Variants in MACROD2 observed in about 807,000 individuals in gnomAD.
MACROD2 encodes the protein mono-ADP ribosylhydrolase 2, also known as ADP-ribose glycohydrolase MACROD2.
MACROD2 carries 36 observed loss-of-function variants against 70.4 expected under a neutral mutation model. That is an observed-to-expected ratio of 0.51 (90% CI 0.39 to 0.68). The LOEUF (loss-of-function observed/expected upper bound fraction) is 0.68. Ranked by LOEUF, MACROD2 falls within the 30% of genes least tolerant of loss-of-function variation. MACROD2 has a pLI of 0.00. For synonymous variants in MACROD2, 172 were observed against 178.8 expected, an observed-to-expected ratio of 0.96 and a Z score of 0.30; for missense variants, 496 against 538.4, an observed-to-expected ratio of 0.92 and a Z score of 0.78.
At chr20:15,204,656 G>A (rs2076685994) in intron 5 of MACROD2, among the ~76,000 whole-genome samples, 2 of 152,034 alleles carry the variant, frequency 1.3e-5, no homozygotes, top group South Asian at 4.1e-4. Context: ...ATATTAATTT[G>A]CCTTTGTAAT....
intron 3 of MACROD2, among the ~76,000 whole-genome samples, chr20:14,122,608 A>G (rs1471269909): frequency 6.6e-6 from 1 of 152,118 alleles, no homozygotes; most frequent in Non-Finnish European, 1.5e-5. Context: ...CCATGATAAG[A>G]TCAATAATTC....
chr20:15,131,204 C>A (rs2076102298), intron 5 of MACROD2, among the ~76,000 whole-genome samples: 2 of 151,912 alleles, frequency 1.3e-5, no homozygotes, highest in Admixed American at 1.3e-4. Context: ...TAATAACAGG[C>A]AAATTAAGAA....
At chr20:14,341,608 A>T (rs141727946) in intron 3 of MACROD2, among the ~76,000 whole-genome samples, 118 of 152,368 alleles carry the variant, frequency 7.7e-4, no homozygotes, top group Non-Finnish European at 1.5e-3. Flanking sequence ...CATGCACTCC[A>T]GCTTGGGCAG....
At chr20:14,718,316 A>G (rs921539668) in intron 5 of MACROD2, among the ~76,000 whole-genome samples, 7 of 150,696 alleles carry the variant, frequency 4.6e-5, no homozygotes, top group African/African-American at 1.7e-4. Flanking sequence ...AAAAAAAAAA[A>G]AAGAAGAGAT....
At chr20:14,221,089 C>T (rs1409518513) in intron 3 of MACROD2, among the ~76,000 whole-genome samples, 1 of 152,200 alleles carries the variant, frequency 6.6e-6, no homozygotes, top group African/African-American at 2.4e-5. Flanking sequence ...AATTTGAATT[C>T]ATTTACATGC....
intron 5 of MACROD2, among the ~76,000 whole-genome samples, chr20:14,943,230 C>T (rs1404584673): frequency 6.6e-6 from 1 of 152,114 alleles, no homozygotes; most frequent in Non-Finnish European, 1.5e-5. Context: ...GACAGGGTTG[C>T]AGGCAACTGA....
chr20:14,759,978 C>A (rs2071992879), intron 5 of MACROD2, among the ~76,000 whole-genome samples: 1 of 151,984 alleles, frequency 6.6e-6, no homozygotes, highest in Non-Finnish European at 1.5e-5. Context: ...AATTGGTATT[C>A]CTGAGATAAA....
At chr20:15,677,375 G>T (rs947216904) in intron 8 of MACROD2, among the ~76,000 whole-genome samples, 2 of 152,044 alleles carry the variant, frequency 1.3e-5, no homozygotes, top group Non-Finnish European at 1.5e-5. Context: ...ATGCGGTGGT[G>T]GGGGGAAGTG....
chr20:16,043,852 CTCTT>C (rs990911496), intron 16 of MACROD2, among the ~76,000 whole-genome samples: 8 of 152,058 alleles, frequency 5.3e-5, no homozygotes, highest in African/African-American at 1.4e-4. Flanking sequence ...TTTGCCTTCT[CTCTT>C]TATTTTCTTA....
intron 3 of MACROD2, among the ~76,000 whole-genome samples, chr20:14,284,782 G>C (rs1317296969): frequency 6.6e-6 from 1 of 152,188 alleles, no homozygotes; most frequent in Admixed American, 6.5e-5. Flanking sequence ...GGCCTAACTA[G>C]ATGGTTTGTT....
chr20:15,165,999 G>C (rs929434063), intron 5 of MACROD2, among the ~76,000 whole-genome samples: 2 of 152,098 alleles, frequency 1.3e-5, no homozygotes, highest in African/African-American at 4.8e-5. Flanking sequence ...AGATGCAAAA[G>C]GCTACATATT....
At chr20:14,005,743 G>A (rs148931253) in intron 2 of MACROD2, among the ~76,000 whole-genome samples, 1 of 152,070 alleles carries the variant, frequency 6.6e-6, no homozygotes, top group African/African-American at 2.4e-5. Context: ...TGGGATTATA[G>A]ATGCGTGCCA....
chr20:14,144,768 T>C (rs1041249642), intron 3 of MACROD2, among the ~76,000 whole-genome samples: 3 of 152,026 alleles, frequency 2.0e-5, no homozygotes, highest in Non-Finnish European at 4.4e-5. Context: ...TAGTTGAGGG[T>C]GGGGAGAGAC....
At chr20:15,211,256 T>C (rs980810368) in intron 5 of MACROD2, among the ~76,000 whole-genome samples, 8 of 152,246 alleles carry the variant, frequency 5.3e-5, no homozygotes, top group African/African-American at 1.9e-4. Context: ...TTCACTCATA[T>C]TGTAGCATTT....
chr20:14,431,886 C>A (rs532448252), intron 3 of MACROD2, among the ~76,000 whole-genome samples: 1 of 152,242 alleles, frequency 6.6e-6, no homozygotes, highest in African/African-American at 2.4e-5. Context: ...GCAATTACCT[C>A]TAAGTTCTCA....
intron 12 of MACROD2, among the ~76,000 whole-genome samples, chr20:15,960,253 G>A: frequency 6.6e-6 from 1 of 152,180 alleles, no homozygotes; most frequent in East Asian, 1.9e-4. Context: ...AGTCATCTGT[G>A]ACCCAGCTAC....
At chr20:14,274,458 A>G (rs1281816475) in intron 3 of MACROD2, among the ~76,000 whole-genome samples, 2 of 152,176 alleles carry the variant, frequency 1.3e-5, no homozygotes, top group Non-Finnish European at 2.9e-5. Context: ...CTTCATGCTA[A>G]AAACTCTCAA....
At chr20:14,525,943 T>A (rs1476944035) in intron 4 of MACROD2, among the ~76,000 whole-genome samples, 1 of 152,200 alleles carries the variant, frequency 6.6e-6, no homozygotes, top group Non-Finnish European at 1.5e-5. Context: ...TTTCTAATCA[T>A]GCTTCCTGAA....
intron 8 of MACROD2, among the ~76,000 whole-genome samples, chr20:15,542,615 T>C (rs1473430093): frequency 6.6e-6 from 1 of 152,196 alleles, no homozygotes; most frequent in Non-Finnish European, 1.5e-5. Flanking sequence ...AAAAATGTAC[T>C]GTCTGAACTC....
Sources: gnomAD v4.1 joint callset for allele counts (sites outside exome capture counted in the v4.1 genomes callset) on GRCh38, gnomAD v4.1.1 for gene constraint, MANE v1.5 for transcripts, NCBI Gene and HGNC (gene_info 2026-07-23, HGNC 2026-07-21) for gene names.